Variants in CDK15 observed in about 807,000 individuals in gnomAD.
The protein encoded by CDK15 is cyclin-dependent kinase 15.
In CDK15, 62 loss-of-function variants were observed where a neutral mutation model predicts 60.3. That is an observed-to-expected ratio of 1.03 (90% CI 0.84 to 1.27). The LOEUF (loss-of-function observed/expected upper bound fraction) is 1.27. Ranked by LOEUF, CDK15 falls within the 50% of genes most tolerant of loss-of-function variation. CDK15 has a pLI of 0.00. For synonymous variants in CDK15, 194 were observed against 195.7 expected (o/e 0.99, Z 0.07); for missense variants, 541 against 527.8 (o/e 1.03, Z -0.25).
intron 4 of CDK15, among the ~76,000 whole-genome samples, chr2:201,818,355 A>G (rs1480442215): frequency 6.6e-6 from 1 of 152,218 alleles, no homozygotes; most frequent in Non-Finnish European, 1.5e-5. Context: ...AAAAACAAAA[A>G]TAAGTATACA....
intron 6 of CDK15, among the ~76,000 whole-genome samples, chr2:201,833,638 T>C (rs1696856890): frequency 6.6e-6 from 1 of 152,046 alleles, no homozygotes; most frequent in South Asian, 2.1e-4. Flanking sequence ...TCCCTTTGTT[T>C]AGGACACAGT....
intron 9 of CDK15, among the ~76,000 whole-genome samples, chr2:201,849,326 C>T (rs962359235): frequency 2.6e-5 from 4 of 152,190 alleles, no homozygotes; most frequent in Admixed American, 2.0e-4. Flanking sequence ...GCAAGTATTA[C>T]CTGAAATTTA....
At chr2:201,877,442 T>A (rs889335797) in intron 11 of CDK15, among the ~76,000 whole-genome samples, 1 of 152,100 alleles carries the variant, frequency 6.6e-6, no homozygotes, top group African/African-American at 2.4e-5. Flanking sequence ...CAGAAGTTCA[T>A]ATTTAACCAG....
intron 12 of CDK15, among the ~76,000 whole-genome samples, chr2:201,880,988 G>A (rs574102630): frequency 5.6e-4 from 85 of 152,318 alleles, no homozygotes; most frequent in Admixed American, 1.2e-3. Context: ...AGCCAGGGTT[G>A]GTTTTAGAAG....
intron 8 of CDK15, among the ~76,000 whole-genome samples, chr2:201,839,873 G>A (rs2105758252): frequency 6.6e-6 from 1 of 152,282 alleles, no homozygotes; most frequent in African/African-American, 2.4e-5. Flanking sequence ...GTGTAAGACA[G>A]CACTAGCCTA....
At chr2:201,852,715 A>G (rs764261945) in intron 9 of CDK15, among the ~76,000 whole-genome samples, 1 of 152,190 alleles carries the variant, frequency 6.6e-6, no homozygotes, top group South Asian at 2.1e-4. Flanking sequence ...TTTGGTTTTC[A>G]GTTTCCCAGA....
At chr2:201,860,615 A>C in intron 10 of CDK15, 3 of 1,006,680 alleles carry the variant, frequency 3.0e-6, no homozygotes, top group Non-Finnish European at 3.9e-6. Flanking sequence ...CGTAATGAAA[A>C]TCAAAAGGCA....
At chr2:201,811,788 GT>G (rs951052042) in intron 3 of CDK15, among the ~76,000 whole-genome samples, 1 of 152,132 alleles carries the variant, frequency 6.6e-6, no homozygotes, top group African/African-American at 2.4e-5. Flanking sequence ...AAAGTGACTT[GT>G]CCTGATTGTC....
At chr2:201,863,160 A>G (rs1250196433) in intron 10 of CDK15, among the ~76,000 whole-genome samples, 1 of 152,110 alleles carries the variant, frequency 6.6e-6, no homozygotes, top group Non-Finnish European at 1.5e-5. Context: ...ATTAATTTAG[A>G]TACACAGCCA....
intron 11 of CDK15, chr2:201,876,394 C>T (rs915005932): frequency 3.0e-5 from 11 of 371,948 alleles, no homozygotes; most frequent in Non-Finnish European, 5.3e-5. Flanking sequence ...AGCAAGGCGG[C>T]GATTACTGGG....
At chr2:201,836,512 A>C (rs1264829764) in intron 8 of CDK15, among the ~76,000 whole-genome samples, 2 of 151,484 alleles carry the variant, frequency 1.3e-5, no homozygotes, top group Non-Finnish European at 2.9e-5. Context: ...GCTGGTCTTG[A>C]GCTCCCAGGC....
chr2:201,830,032 T>A (rs996067192), intron 6 of CDK15, among the ~76,000 whole-genome samples: 2 of 152,132 alleles, frequency 1.3e-5, no homozygotes, highest in Non-Finnish European at 2.9e-5. Context: ...GGTCTTGAAC[T>A]TCTGACCTTG....
chr2:201,814,586 G>C (rs931720959), intron 4 of CDK15, among the ~76,000 whole-genome samples: 3 of 152,166 alleles, frequency 2.0e-5, no homozygotes, highest in African/African-American at 7.2e-5. Flanking sequence ...AGACCAGGGA[G>C]ACAGGAGGTT....
At chr2:201,848,457 A>G (rs544773770) in intron 9 of CDK15, among the ~76,000 whole-genome samples, 4 of 152,134 alleles carry the variant, frequency 2.6e-5, no homozygotes, top group Non-Finnish European at 4.4e-5. Flanking sequence ...ATACATTCAT[A>G]TAGTTGCACC....
chr2:201,807,570 A>T lies in CDK15; in HGVS notation c.200A>T (p.Lys67Met). The T allele has an allele frequency of 3.7e-6, 6 of 1,614,210 alleles. No individual in the cohort carries two copies. Among genetic ancestry groups the T allele is most frequent in the South Asian group, 1.1e-5 (1 of 91,086 alleles). The change falls in exon 2 of 14, where the codon AAG becomes ATG. Residue 67 changes from lysine to methionine, a missense_variant. By Grantham distance (95) the Lys-to-Met change is moderately conservative. Transcript: ENST00000652192. ...GGACTTCAAGCTGCCCGTGCCCAGA[A>T]GTTCAAGAGTAAAAGGCCACGGAGT... ...PRGLQAARAQ[K>M]FKSKRPRSNS...
intron 11 of CDK15, among the ~76,000 whole-genome samples, chr2:201,874,900 G>T (rs1306294585): frequency 6.6e-6 from 1 of 152,120 alleles, no homozygotes; most frequent in Non-Finnish European, 1.5e-5. Context: ...CTTCCTGTAG[G>T]TCTAGGGGGA....
At chr2:201,854,015 A>T (rs1372502203) in intron 9 of CDK15, among the ~76,000 whole-genome samples, 1 of 151,976 alleles carries the variant, frequency 6.6e-6, no homozygotes, top group Admixed American at 6.6e-5. Context: ...CAACAACAAC[A>T]ACAACAAAAA....
intron 8 of CDK15, among the ~76,000 whole-genome samples, chr2:201,846,490 CAA>C (rs72164831): frequency 4.1e-4 from 52 of 126,504 alleles, no homozygotes; most frequent in South Asian, 9.7e-4. Flanking sequence ...AAGATTCCAC[CAA>C]AAAAAAAAAA....
At chr2:201,886,364 C>A (rs368195412) in intron 12 of CDK15, among the ~76,000 whole-genome samples, 49 of 145,150 alleles carry the variant, frequency 3.4e-4, no homozygotes, top group African/African-American at 1.3e-3. Context: ...TTGCTCTTGT[C>A]GCCCAGGCTG....
Sources: allele counts gnomAD v4.1 joint callset (sites outside exome capture counted in the v4.1 genomes callset), GRCh38; gene constraint gnomAD v4.1.1; transcripts MANE v1.5; gene names NCBI Gene and HGNC (gene_info 2026-07-23, HGNC 2026-07-21).